Variants in AFG1L observed in about 807,000 individuals in gnomAD.
AFG1L encodes AFG1-like ATPase.
Under a neutral mutation model 62.2 loss-of-function variants are expected in AFG1L, and 53 were observed. The observed-to-expected ratio is 0.85, with a 90% CI of 0.68 to 1.07. The LOEUF (loss-of-function observed/expected upper bound fraction) is 1.07, where lower values mean the gene tolerates loss of function less well. Ranked by LOEUF, AFG1L falls within the 50% of genes least tolerant of loss-of-function variation. The pLI, the probability that AFG1L is intolerant of heterozygous loss-of-function variation, is 0.00. For missense variants in AFG1L, 555 were observed against 590.5 expected (o/e 0.94, Z 0.62); for synonymous variants, 228 against 210.3 (o/e 1.08, Z -0.73).
chr6:108,316,183 C>T (rs997522073), intron 1 of AFG1L, among the ~76,000 whole-genome samples: 1 of 151,246 alleles, frequency 6.6e-6, no homozygotes, highest in African/African-American at 2.4e-5. Flanking sequence ...AGATCGAGAC[C>T]ATCCTGGCTA....
chr6:108,385,465 C>T (rs1475697872), intron 6 of AFG1L, among the ~76,000 whole-genome samples: 7 of 152,232 alleles, frequency 4.6e-5, no homozygotes, highest in African/African-American at 1.4e-4. Flanking sequence ...TTTATTTCAG[C>T]CCATCCCTTT....
chr6:108,369,836 C>T (rs982964410), intron 6 of AFG1L, among the ~76,000 whole-genome samples: 15 of 152,080 alleles, frequency 9.9e-5, no homozygotes, highest in African/African-American at 3.6e-4. Context: ...TCTTGAACTC[C>T]TGACCTCAGG....
chr6:108,392,308 T>C (rs1419534708), intron 6 of AFG1L: 1 of 152,198 alleles, frequency 6.6e-6, no homozygotes, highest in African/African-American at 2.4e-5. Context: ...ATGTACACAG[T>C]CTTTGTTTCA....
rs59323063 is a variant in AFG1L at position 108,445,633 on chromosome 6, T to TGAGAGA, written c.808-1538_808-1533dup. On this transcript the variant is annotated intron_variant, in intron 7 of 12. Coordinates refer to ENST00000368977, the MANE Select transcript of AFG1L (RefSeq NM_145315.5). ...TCTCAGAGCATAGGGACACCTAAGG[T>TGAGAGA]GAGAGAGAGAGAGAGAGAGAGAGAG... 8.5e-3 allele frequency among the ~76,000 whole-genome samples: 1,108 copies of TGAGAGA among 130,002 alleles called. 33 individuals are homozygous for TGAGAGA. The highest frequency in any genetic ancestry group is 0.024 in the East Asian group (94 of 3,848). The allele number at this position is 130,002 out of a possible 152,430, so 85.3% of individuals were successfully genotyped here. A position where few individuals can be genotyped will look rare whatever the true frequency, so the allele number is the denominator to read the frequency against.
At chr6:108,380,960 G>C (rs1464541888) in intron 6 of AFG1L, among the ~76,000 whole-genome samples, 1 of 152,176 alleles carries the variant, frequency 6.6e-6, no homozygotes, top group Non-Finnish European at 1.5e-5. Context: ...TGGGTTCTGG[G>C]ATGTCCTTTA....
chr6:108,424,373 G>A (rs1770725415), intron 7 of AFG1L, among the ~76,000 whole-genome samples: 1 of 151,970 alleles, frequency 6.6e-6, no homozygotes, highest in African/African-American at 2.4e-5. Context: ...TGATAATAAA[G>A]TCTTAGGCTA....
At chr6:108,463,286 CAAAAAAA>C (rs56937746) in intron 8 of AFG1L, among the ~76,000 whole-genome samples, 724 of 40,518 alleles carry the variant, frequency 0.018, 8 homozygotes, top group African/African-American at 0.047. Context: ...GAGACTCTGT[CAAAAAAA>C]AAAAAAAAAA....
chr6:108,441,712 A>AAAAATATATATATATAT (rs1401294615), intron 7 of AFG1L, among the ~76,000 whole-genome samples: 1 of 139,486 alleles, frequency 7.2e-6, no homozygotes, highest in South Asian at 2.3e-4. Flanking sequence ...AAAAAAAAAA[A>AAAAATATATATATATAT]ATATATATAT....
chr6:108,374,993 G>A (rs571066756), intron 6 of AFG1L, among the ~76,000 whole-genome samples: 101 of 151,824 alleles, frequency 6.7e-4, no homozygotes, highest in African/African-American at 2.2e-3. Flanking sequence ...TCTTTGTGTC[G>A]TCTATGTCTT....
intron 7 of AFG1L, among the ~76,000 whole-genome samples, chr6:108,444,099 T>G (rs1233442517): frequency 6.6e-6 from 1 of 151,514 alleles, no homozygotes. Flanking sequence ...TATCTATCTA[T>G]CTATATCTGC....
At chr6:108,517,098 A>G (rs781740033) in intron 11 of AFG1L, among the ~76,000 whole-genome samples, 1 of 152,226 alleles carries the variant, frequency 6.6e-6, no homozygotes, top group Non-Finnish European at 1.5e-5. Flanking sequence ...TATAAATTCA[A>G]TGCCATCCCC....
At chr6:108,492,031 T>C (rs1472479833) in intron 10 of AFG1L, among the ~76,000 whole-genome samples, 1 of 152,238 alleles carries the variant, frequency 6.6e-6, no homozygotes, top group African/African-American at 2.4e-5. Context: ...TACAAGACTT[T>C]AACGTGTTCA....
chr6:108,417,234 A>AC, intron 7 of AFG1L, among the ~76,000 whole-genome samples: 1 of 97,930 alleles, frequency 1.0e-5, no homozygotes, highest in Admixed American at 1.2e-4. Context: ...ACATTGTCTT[A>AC]AACACACACA....
chr6:108,515,474 C>G (rs1463155065), intron 11 of AFG1L, among the ~76,000 whole-genome samples: 1 of 151,974 alleles, frequency 6.6e-6, no homozygotes, highest in Non-Finnish European at 1.5e-5. Flanking sequence ...CACAGCATAC[C>G]AGAATCTCTG....
At chr6:108,336,276 G>A (rs1327175048) in intron 2 of AFG1L, among the ~76,000 whole-genome samples, 1 of 152,162 alleles carries the variant, frequency 6.6e-6, no homozygotes, top group Non-Finnish European at 1.5e-5. Context: ...TAATGCAATG[G>A]TGGGGGGAAT....
chr6:108,450,114 C>T (rs1771989387), intron 8 of AFG1L, among the ~76,000 whole-genome samples: 1 of 152,202 alleles, frequency 6.6e-6, no homozygotes, highest in Non-Finnish European at 1.5e-5. Context: ...TGGGTATATA[C>T]CCAGTAATGG....
chr6:108,407,454 G>T (rs1156519295), intron 7 of AFG1L, among the ~76,000 whole-genome samples: 5 of 152,136 alleles, frequency 3.3e-5, no homozygotes, highest in Admixed American at 6.6e-5. Context: ...CAACATGGGA[G>T]AATCGCTTGA....
chr6:108,471,468 CTTTTTTTTTTT>C (rs56375345), intron 8 of AFG1L, among the ~76,000 whole-genome samples: 18 of 100,352 alleles, frequency 1.8e-4, no homozygotes, highest in East Asian at 3.1e-4. Flanking sequence ...TGTTCTTCTT[CTTTTTTTTTTT>C]TTTTTTTTTT....
chr6:108,368,230 G>C (rs1779842190), intron 6 of AFG1L, among the ~76,000 whole-genome samples: 1 of 151,644 alleles, frequency 6.6e-6, no homozygotes, highest in Non-Finnish European at 1.5e-5. Flanking sequence ...TATTTTTGAA[G>C]TATGATTCTA....
Sources: gnomAD v4.1 joint callset for allele counts (sites outside exome capture counted in the v4.1 genomes callset) on GRCh38, gnomAD v4.1.1 for gene constraint, MANE v1.5 for transcripts, NCBI Gene and HGNC (gene_info 2026-07-23, HGNC 2026-07-21) for gene names.